The following ADGRG4 variants were observed in gnomAD, a reference collection of about 807,000 sequenced individuals.
ADGRG4 encodes the protein adhesion G protein-coupled receptor G4, also known as G protein-coupled receptor 112.
ADGRG4 carries 122 observed loss-of-function variants against 126.2 expected under a neutral mutation model. The observed-to-expected ratio is 0.97, with a 90% CI of 0.83 to 1.12. The LOEUF is 1.12. Ranked by LOEUF, ADGRG4 falls within the 50% of genes most tolerant of loss-of-function variation. The pLI is 0.00. For synonymous variants in ADGRG4, 943 were observed against 838.7 expected (o/e 1.12, Z -2.15); for missense variants, 2,481 against 2,251.8 (o/e 1.10, Z -2.06).
At chrX:136,338,323 AT>A (rs1159203893) in intron 5 of ADGRG4, among the ~76,000 whole-genome samples, 1 of 109,860 alleles carries the variant, frequency 9.1e-6, no homozygotes, top group African/African-American at 3.3e-5. Flanking sequence ...TAATTTTTGT[AT>A]TTTTAGTAGA....
chrX:136,372,753 A>G, intron 14 of ADGRG4, 149 bp from the exon 15 acceptor site: 1 of 535,777 alleles, frequency 1.9e-6, no homozygotes, highest in African/African-American at 2.3e-5. Context: ...CTGATTCCAA[A>G]GCCAGTGCTC....
chrX:136,331,818 A>ATTT (rs781588407), intron 5 of ADGRG4, among the ~76,000 whole-genome samples: 1 of 96,599 alleles, frequency 1.0e-5, no homozygotes, highest in Non-Finnish European at 2.1e-5. Context: ...ATATATTCTA[A>ATTT]TTTTTTTTTT....
In ADGRG4 at chrX:136,347,630, C is replaced by T. The variant is rs758265676; in HGVS notation, c.3924C>T (p.Ser1308=). The T allele has an allele frequency of 8.3e-7, 1 of 1,209,274 alleles. No individual in the cohort carries two copies. The highest frequency in any genetic ancestry group is 2.2e-5 in the Admixed American group (1 of 45,820). ...DTGFPETTKI[S]SHQTHSPSEI... ...GATTTCCTGAGACCACAAAAATTTC[C>T]AGTCACCAAACACATTCGCCTTCAG... The change falls in exon 6 of 26, where the codon TCC becomes TCT. Residue 1308 remains serine (S), a synonymous_variant. Coordinates refer to ENST00000394143, the MANE Select transcript of ADGRG4 (RefSeq NM_153834.4).
chrX:136,335,262 A>G (rs1394759038), intron 5 of ADGRG4, among the ~76,000 whole-genome samples: 1 of 110,000 alleles, frequency 9.1e-6, no homozygotes, highest in Non-Finnish European at 1.9e-5. Flanking sequence ...ATTTTTATAT[A>G]TTGTTTCATT....
At chrX:136,392,422 G>A in intron 17 of ADGRG4, 68 bp downstream of exon 17, 1 of 937,779 alleles carries the variant, frequency 1.1e-6, no homozygotes, top group Non-Finnish European at 1.4e-6. Context: ...TCTGTTAAAA[G>A]TAATTTGTTA....
At chrX:136,377,440 C>T (rs972544973) in intron 15 of ADGRG4, among the ~76,000 whole-genome samples, 1 of 110,790 alleles carries the variant, frequency 9.0e-6, no homozygotes, top group African/African-American at 3.3e-5. Flanking sequence ...GCAATCCTCC[C>T]ACCTTGGCCT....
intron 15 of ADGRG4, among the ~76,000 whole-genome samples, chrX:136,381,430 T>C (rs2075263515): frequency 9.0e-6 from 1 of 110,580 alleles, no homozygotes; most frequent in South Asian, 3.9e-4. Flanking sequence ...TTTTAAAACA[T>C]TGTTTGTAAA....
At chrX:136,319,086 G>A (rs1248221336) in intron 4 of ADGRG4, among the ~76,000 whole-genome samples, 2 of 112,661 alleles carry the variant, frequency 1.8e-5, no homozygotes, top group Non-Finnish European at 3.7e-5. Flanking sequence ...GAAATCATAT[G>A]CAAAGACACA....
At chrX:136,385,187 C>T (rs182612593) in intron 15 of ADGRG4, among the ~76,000 whole-genome samples, 78 of 111,104 alleles carry the variant, frequency 7.0e-4, no homozygotes, top group African/African-American at 2.4e-3. Flanking sequence ...CTGTTGTTTT[C>T]ATGTTACTAT....
intron 19 of ADGRG4, among the ~76,000 whole-genome samples, chrX:136,396,697 T>G (rs2075350787): frequency 9.1e-6 from 1 of 109,809 alleles, no homozygotes; most frequent in South Asian, 3.9e-4. Flanking sequence ...TTCCCTCTTT[T>G]GGATCTTAGA....
chrX:136,324,036 T>A (rs1339804936), intron 5 of ADGRG4, among the ~76,000 whole-genome samples: 2 of 112,078 alleles, frequency 1.8e-5, no homozygotes, highest in Non-Finnish European at 3.8e-5. Context: ...GAATTTTTGG[T>A]AAGAATACCA....
chrX:136,368,558 A>G (rs1390906307), intron 13 of ADGRG4, among the ~76,000 whole-genome samples: 2 of 112,090 alleles, frequency 1.8e-5, no homozygotes, highest in East Asian at 5.6e-4. Flanking sequence ...TGTGCTGAAA[A>G]ATATTTAAAA....
intron 15 of ADGRG4, among the ~76,000 whole-genome samples, chrX:136,386,160 TG>T (rs1340554324): frequency 1.8e-5 from 2 of 112,809 alleles, no homozygotes; most frequent in Non-Finnish European, 3.7e-5. Context: ...TGTCTGCTTT[TG>T]GTAATTTTCC....
At chrX:136,324,367 T>C (rs1176367561) in intron 5 of ADGRG4, among the ~76,000 whole-genome samples, 1 of 111,757 alleles carries the variant, frequency 8.9e-6, no homozygotes, top group Admixed American at 9.6e-5. Context: ...ATTTATTAGT[T>C]GGCATTCTAT....
Position 136,346,166 on chromosome X carries a change from A to G in ADGRG4, c.2460A>G (p.Gly820=). ...AAATAAATGGTGCAATTGTATTTGGAGGTACAACGACCCCTGTACCAAAGT... is the reference window on the plus strand; with the variant it reads ...AAATAAATGGTGCAATTGTATTTGGGGGTACAACGACCCCTGTACCAAAGT... The part of the protein sequence containing the change: ...QTEINGAIVF[G]GTTTPVPKSA... Residue 820 remains glycine (G), a synonymous_variant, in exon 6 of 26, where the codon GGA becomes GGG. Transcript: ENST00000394143. 1 of 1,207,160 alleles carries G rather than the reference A, an allele frequency of 8.3e-7. No individual in the cohort carries two copies.
chrX:136,349,281 C>A lies in ADGRG4; in HGVS notation c.5575C>A (p.Gln1859Lys). The change falls in exon 6 of 26, where the codon CAA becomes AAA. Residue 1859 changes from glutamine to lysine, a missense_variant. Transcript: ENST00000394143. ...TPKTSPPPTS[Q>K]MVEFPVLGTR... ...AAAGACCTCTCCTCCTCCCACATCC[C>A]AAATGGTTGAATTTCCAGTTCTGGG... 1 of 1,206,441 alleles carries A rather than the reference C, an allele frequency of 8.3e-7. No homozygotes were observed. The highest frequency in any genetic ancestry group is 1.8e-5 in the South Asian group (1 of 56,794).
intron 22 of ADGRG4, 75 bp downstream of exon 22, chrX:136,403,397 G>A: frequency 1.2e-6 from 1 of 844,127 alleles, no homozygotes; most frequent in South Asian, 2.3e-5. Context: ...TTCTTGGCCT[G>A]GGATTGGTCT....
rs778459520 is a variant in ADGRG4 at position 136,347,998 on chromosome X, A to G, written c.4292A>G (p.Asp1431Gly). The G allele has an allele frequency of 3.4e-5, 41 of 1,209,277 alleles. No individual in the cohort carries two copies. The East Asian group carries it at 5.6e-4, about 17-fold the overall frequency. The stretch of plus-strand genomic sequence containing the variant: ...TCAACAAGGATATCAAATCCTATGG[A>G]CATCAATACAACTTTTTCACACTTG... Reference protein sequence around the residue: ...SSSTRISNPMDINTTFSHLHS... With the variant: ...SSSTRISNPMGINTTFSHLHS... Residue 1431 changes from aspartate (D) to glycine (G), a missense_variant, in exon 6 of 26, where the codon GAC becomes GGC. Transcript: ENST00000394143.
chrX:136,347,859 G>A lies in ADGRG4; in HGVS notation c.4153G>A (p.Ala1385Thr), dbSNP rs930369713. ...GTGTCCTGAAAAGGAAAGCACGAGT[G>A]CCCTTCCAGCATATACTCCCAGGAC... The part of the protein sequence containing the change: ...FLCPEKESTS[A>T]LPAYTPRTVE... Residue 1385 changes from alanine (A) to threonine (T), a missense_variant, in exon 6 of 26, where the codon GCC becomes ACC. By Grantham distance (58) the Ala-to-Thr change is moderately conservative (BLOSUM62 0). Coordinates refer to ENST00000394143, the MANE Select transcript of ADGRG4 (RefSeq NM_153834.4). The A allele has an allele frequency of 8.3e-7, 1 of 1,207,710 alleles. No homozygotes were observed. Among genetic ancestry groups the A allele is most frequent in the African/African-American group, 1.8e-5 (1 of 57,054 alleles).
Sources: allele counts gnomAD v4.1 joint callset (sites outside exome capture counted in the v4.1 genomes callset), GRCh38; gene constraint gnomAD v4.1.1; transcripts MANE v1.5; gene names NCBI Gene and HGNC (gene_info 2026-07-23, HGNC 2026-07-21).